SGCZ: variants seen among roughly 807,000 people sequenced by gnomAD.
SGCZ encodes sarcoglycan zeta, also known as zeta-sarcoglycan.
In SGCZ, 40 loss-of-function variants were observed where a neutral mutation model predicts 41.3. That is an observed-to-expected ratio of 0.97 (90% CI 0.75 to 1.26). The LOEUF (loss-of-function observed/expected upper bound fraction) is 1.26, where lower values mean the gene tolerates loss of function less well. SGCZ is among the 50% of genes most tolerant of loss of function. The pLI, the probability that SGCZ is intolerant of heterozygous loss-of-function variation, is 0.00. For synonymous variants in SGCZ, 206 were observed against 137.5 expected, an observed-to-expected ratio of 1.50 and a Z score of -3.49; for missense variants, 552 against 369.8, an observed-to-expected ratio of 1.49 and a Z score of -4.04.
Position 14,862,535 on chromosome 8 carries a change from G to GAT in SGCZ, c.40-307611_40-307610dup, listed in dbSNP as rs59769861. Among the ~76,000 whole-genome samples, 420 of 61,518 alleles carry GAT rather than the reference G, an allele frequency of 6.8e-3. 5 individuals are homozygous for GAT. Among genetic ancestry groups the GAT allele is most frequent in the African/African-American group, 7.8e-3 (123 of 15,726 alleles). The allele number at this position is 61,518 out of a possible 152,430, so 40.4% of individuals were successfully genotyped here. On this transcript the variant is annotated intron_variant, in intron 1 of 7. Transcript: ENST00000382080. ...TATGAAACAAAAATTGCATCTTTAA[G>GAT]ATATATATATATATATATATATATA...
intron 1 of SGCZ, among the ~76,000 whole-genome samples, chr8:15,132,341 G>A (rs4831684): frequency 0.42 from 63,714 of 151,916 alleles, 15,712 homozygotes; most frequent in Admixed American, 0.58. Context: ...TGTCTTCACA[G>A]CACAAGAAGA....
chr8:14,844,287 C>A (rs966298882), intron 1 of SGCZ, among the ~76,000 whole-genome samples: 1 of 152,072 alleles, frequency 6.6e-6, no homozygotes, highest in Non-Finnish European at 1.5e-5. Context: ...TTCTCACATA[C>A]TTTAGAGAGT....
At chr8:14,450,080 A>G (rs1274991702) in intron 2 of SGCZ, among the ~76,000 whole-genome samples, 2 of 152,216 alleles carry the variant, frequency 1.3e-5, no homozygotes, top group East Asian at 3.8e-4. Context: ...CATATTCAAC[A>G]TATTCATTAA....
intron 1 of SGCZ, among the ~76,000 whole-genome samples, chr8:14,920,470 T>C (rs1227632212): frequency 3.3e-5 from 5 of 152,004 alleles, no homozygotes; most frequent in African/African-American, 1.2e-4. Flanking sequence ...GTTGGGATAA[T>C]AAAAACATAG....
At chr8:14,141,557 A>G (rs550104774) in intron 5 of SGCZ, among the ~76,000 whole-genome samples, 1 of 152,364 alleles carries the variant, frequency 6.6e-6, no homozygotes, top group South Asian at 2.1e-4. Flanking sequence ...CAACAGACAC[A>G]TGCAAAAAGG....
intron 1 of SGCZ, among the ~76,000 whole-genome samples, chr8:14,713,357 A>T (rs1266284839): frequency 6.6e-6 from 1 of 152,236 alleles, no homozygotes; most frequent in Non-Finnish European, 1.5e-5. Context: ...AACTATCACT[A>T]TTACTATAAT....
At chr8:14,469,586 C>G (rs1433552950) in intron 2 of SGCZ, among the ~76,000 whole-genome samples, 2 of 152,170 alleles carry the variant, frequency 1.3e-5, no homozygotes, top group Non-Finnish European at 2.9e-5. Flanking sequence ...TCTTTGTACG[C>G]TACTGATGGA....
intron 1 of SGCZ, among the ~76,000 whole-genome samples, chr8:14,855,932 G>A (rs975234853): frequency 1.3e-5 from 2 of 152,118 alleles, no homozygotes; most frequent in Non-Finnish European, 2.9e-5. Context: ...ATTAAAGGCC[G>A]ATCCGAATTT....
At chr8:14,767,708 G>C (rs1350738609) in intron 1 of SGCZ, among the ~76,000 whole-genome samples, 1 of 152,162 alleles carries the variant, frequency 6.6e-6, no homozygotes. Context: ...AGCAAAGACA[G>C]TGCCAACAGG....
At chr8:15,063,434 A>G (rs1334640785) in intron 1 of SGCZ, among the ~76,000 whole-genome samples, 1 of 152,196 alleles carries the variant, frequency 6.6e-6, no homozygotes, top group Non-Finnish European at 1.5e-5. Flanking sequence ...GAAAACAACA[A>G]TATTAAAGTG....
chr8:14,175,942 C>T (rs1436311515), intron 4 of SGCZ, among the ~76,000 whole-genome samples: 1 of 152,026 alleles, frequency 6.6e-6, no homozygotes, highest in African/African-American at 2.4e-5. Flanking sequence ...AGTTACAAAG[C>T]ATTAATATAT....
intron 1 of SGCZ, among the ~76,000 whole-genome samples, chr8:14,757,872 C>A (rs1799728750): frequency 6.6e-6 from 1 of 152,116 alleles, no homozygotes. Flanking sequence ...ACTACAATTG[C>A]ATAAGCAAAG....
At chr8:14,625,617 G>C (rs1806429420) in intron 1 of SGCZ, among the ~76,000 whole-genome samples, 1 of 152,016 alleles carries the variant, frequency 6.6e-6, no homozygotes. Flanking sequence ...TTTTGTAGAA[G>C]ACAGGGTCTC....
intron 5 of SGCZ, among the ~76,000 whole-genome samples, chr8:14,126,982 G>A (rs1802881089): frequency 6.6e-6 from 1 of 151,892 alleles, no homozygotes; most frequent in Admixed American, 6.6e-5. Flanking sequence ...CATCTGGGGG[G>A]TCAGGGGGAG....
At chr8:14,934,722 A>C (rs1044653735) in intron 1 of SGCZ, among the ~76,000 whole-genome samples, 1 of 151,730 alleles carries the variant, frequency 6.6e-6, no homozygotes, top group Non-Finnish European at 1.5e-5. Flanking sequence ...GAAAGATATA[A>C]ATTTTTAAAT....
chr8:14,566,483 C>A (rs1356275149), intron 1 of SGCZ, among the ~76,000 whole-genome samples: 1 of 152,152 alleles, frequency 6.6e-6, no homozygotes, highest in Admixed American at 6.5e-5. Flanking sequence ...AGAGACCATA[C>A]AAGAGACAAT....
intron 3 of SGCZ, among the ~76,000 whole-genome samples, chr8:14,239,935 A>G (rs1287571692): frequency 8.5e-6 from 1 of 117,032 alleles, no homozygotes; most frequent in Non-Finnish European, 1.8e-5. Context: ...AAAAAAAAAA[A>G]AGAATTACTG....
In SGCZ at chr8:14,558,859, A is replaced by C. The variant is rs144796082; in HGVS notation, c.40-3933T>G. On this transcript the variant is annotated intron_variant, in intron 1 of 7. Coordinates refer to ENST00000382080, the MANE Select transcript of SGCZ (RefSeq NM_139167.4). Reference sequence around the variant, plus strand: ...AATAAAAAATATGATACACCACATAAATAGAATCAGAAACAAAAATCACAT... The same window carrying C: ...AATAAAAAATATGATACACCACATACATAGAATCAGAAACAAAAATCACAT... 9.8e-3 allele frequency among the ~76,000 whole-genome samples: 1,494 copies of C among 152,206 alleles called. 24 individuals carry two copies. Among genetic ancestry groups the C allele is most frequent in the African/African-American group, 0.034 (1,426 of 41,522 alleles).
chr8:14,854,026 TATATATA>T (rs1563316962), intron 1 of SGCZ, among the ~76,000 whole-genome samples: 1 of 72,556 alleles, frequency 1.4e-5, no homozygotes. Context: ...TTATATTATA[TATATATA>T]TATATATATA....
Sources: allele counts gnomAD v4.1 joint callset (sites outside exome capture counted in the v4.1 genomes callset), GRCh38; gene constraint gnomAD v4.1.1; transcripts MANE v1.5; gene names NCBI Gene and HGNC (gene_info 2026-07-23, HGNC 2026-07-21).